The following DIP2C variants were observed in gnomAD, a reference collection of about 807,000 sequenced individuals.
DIP2C encodes disco-interacting protein 2 homolog C.
A neutral mutation model predicts 192.4 loss-of-function variants in DIP2C; 33 were observed. That is an observed-to-expected ratio of 0.17 (90% CI 0.13 to 0.23). The LOEUF is 0.23. Ranked by LOEUF, DIP2C falls within the 10% of genes least tolerant of loss-of-function variation. DIP2C has a pLI of 1.00. For missense variants in DIP2C, 1,537 were observed against 2,110.1 expected, an observed-to-expected ratio of 0.73 and a Z score of 5.32; for synonymous variants, 979 against 864.1, an observed-to-expected ratio of 1.13 and a Z score of -2.33.
intron 1 of DIP2C, among the ~76,000 whole-genome samples, chr10:676,973 AGAT>A (rs1263162379): frequency 1.3e-5 from 2 of 152,240 alleles, no homozygotes; most frequent in Admixed American, 1.3e-4. Flanking sequence ...CAAATGTTTG[AGAT>A]GATGGACATG....
At chr10:315,821 C>T (rs1056379299) in intron 31 of DIP2C, among the ~76,000 whole-genome samples, 8 of 152,106 alleles carry the variant, frequency 5.3e-5, no homozygotes, top group South Asian at 2.1e-4. Context: ...GTTAGACCCA[C>T]GGGCCTCAGA....
At position 356,613 on chromosome 10, in the gene DIP2C, G is replaced by C. The variant is rs116647278; in HGVS notation, c.2905-107C>G. 1,110 of 905,836 alleles carry C rather than the reference G, an allele frequency of 1.2e-3. 8 individuals are homozygous for C. In the African/African-American group the frequency reaches 0.015, roughly 12 times the overall value. The allele number at this position is 905,836 out of a possible 1,614,324, so 56.1% of individuals were successfully genotyped here. On this transcript the variant is annotated intron_variant, in intron 23 of 36. Transcript: ENST00000280886. Reference sequence around the variant, plus strand: ...CAAACCCATAGAGGCTGAGTGCTTTGGGTCTTAAAACCGCATGCTTCTCTG... The same window carrying C: ...CAAACCCATAGAGGCTGAGTGCTTTCGGTCTTAAAACCGCATGCTTCTCTG...
At chr10:467,565 TAAAAAAAA>T (rs71376835) in intron 3 of DIP2C, among the ~76,000 whole-genome samples, 2,279 of 130,416 alleles carry the variant, frequency 0.017, 74 homozygotes, top group African/African-American at 0.063. Flanking sequence ...TATTTAAGTG[TAAAAAAAA>T]AAAAAAAAGA....
At chr10:418,427 C>T (rs565649718) in intron 6 of DIP2C, among the ~76,000 whole-genome samples, 14 of 152,028 alleles carry the variant, frequency 9.2e-5, no homozygotes, top group Non-Finnish European at 1.8e-4. Flanking sequence ...CACACAAGGG[C>T]ATTGTATTTC....
At chr10:294,734 T>G (rs1955665997) in intron 32 of DIP2C, among the ~76,000 whole-genome samples, 1 of 152,186 alleles carries the variant, frequency 6.6e-6, no homozygotes, top group Non-Finnish European at 1.5e-5. Flanking sequence ...AAAAATTTAT[T>G]TTTGGGAACT....
At chr10:613,003 C>T (rs538248993) in intron 1 of DIP2C, among the ~76,000 whole-genome samples, 2 of 152,166 alleles carry the variant, frequency 1.3e-5, no homozygotes, top group Non-Finnish European at 2.9e-5. Flanking sequence ...ACGCTGACCA[C>T]GTTCTTTCCT....
At chr10:379,731 G>A (rs1043269826) in intron 17 of DIP2C, among the ~76,000 whole-genome samples, 5 of 152,228 alleles carry the variant, frequency 3.3e-5, no homozygotes, top group Admixed American at 1.3e-4. Context: ...GCAGATAATC[G>A]TTATCCTTTT....
chr10:662,395 T>C (rs1458047971), intron 1 of DIP2C, among the ~76,000 whole-genome samples: 1 of 152,218 alleles, frequency 6.6e-6, no homozygotes, highest in African/African-American at 2.4e-5. Context: ...TGCCCAGACC[T>C]CACTCACCCA....
intron 7 of DIP2C, among the ~76,000 whole-genome samples, chr10:414,890 G>GTGTGTATA (rs1452383924): frequency 5.5e-5 from 2 of 36,140 alleles, no homozygotes; most frequent in East Asian, 5.5e-4. Context: ...GTGTGTGTGT[G>GTGTGTATA]TATATATATA....
intron 31 of DIP2C, among the ~76,000 whole-genome samples, 182 bp from the exon 32 acceptor site, chr10:310,274 G>T (rs1433704691): frequency 6.6e-5 from 10 of 152,202 alleles, no homozygotes; most frequent in East Asian, 5.8e-4. Context: ...CTAAATTCCA[G>T]AAGGAATATC....
At chr10:487,498 C>CA (rs1844097884) in intron 1 of DIP2C, among the ~76,000 whole-genome samples, 1 of 148,002 alleles carries the variant, frequency 6.8e-6, no homozygotes, top group Non-Finnish European at 1.5e-5. Context: ...CCACGGAACA[C>CA]AAGGCTGACG....
At chr10:531,997 T>C (rs992079362) in intron 1 of DIP2C, among the ~76,000 whole-genome samples, 9 of 152,238 alleles carry the variant, frequency 5.9e-5, no homozygotes, top group Non-Finnish European at 1.2e-4. Context: ...GGCTCCAAAA[T>C]ACTTCGCCCA....
intron 1 of DIP2C, among the ~76,000 whole-genome samples, chr10:511,674 C>T (rs922708269): frequency 6.6e-6 from 1 of 152,186 alleles, no homozygotes; most frequent in Non-Finnish European, 1.5e-5. Context: ...ACGGGGTTCA[C>T]ACCTCTCCAG....
Position 384,643 on chromosome 10 carries a change from C to G in DIP2C, c.1663-4G>C. 6.2e-7 allele frequency: 1 copy of G among 1,613,708 alleles called. No individual in the cohort carries two copies. Among genetic ancestry groups the G allele is most frequent in the South Asian group, 1.1e-5 (1 of 91,084 alleles). On this transcript the variant is annotated splice_region_variant and splice_polypyrimidine_tract_variant and intron_variant, in intron 14 of 36. Transcript: ENST00000280886. ...CATGCATCATGTTCATGACGCTCTG[C>G]AATCAACAAAGGAACACGCAGGGTG...
rs373436966 is a variant in DIP2C at position 384,141 on chromosome 10, C to T, written c.1762G>A (p.Val588Met). The T allele has an allele frequency of 1.9e-5, 30 of 1,609,318 alleles. No homozygotes were observed. Among genetic ancestry groups the T allele is most frequent in the Non-Finnish European group, 2.5e-5 (30 of 1,179,046 alleles). The change falls in exon 16 of 37, where the codon GTG becomes ATG. Residue 588 changes from valine (V) to methionine (M), a missense_variant. This residue lies in a region of DIP2C where 677 missense variants were observed against 989.9 expected (regional missense o/e 0.68). Transcript: ENST00000280886. ...IQKVCQYKAKVACVKSRDMHW... is the reference protein window; with the variant it reads ...IQKVCQYKAKMACVKSRDMHW... ...ATATCCCTCGATTTCACACACGCCACTTTTGCTAAAAAGAAAAATAGAAAT... is the reference window on the plus strand; with the variant it reads ...ATATCCCTCGATTTCACACACGCCATTTTTGCTAAAAAGAAAAATAGAAAT...
chr10:372,490 T>C (rs1036843737), intron 17 of DIP2C, among the ~76,000 whole-genome samples: 25 of 152,382 alleles, frequency 1.6e-4, no homozygotes, highest in Middle Eastern at 3.4e-3. Flanking sequence ...TCAGTTATGC[T>C]TATACAATGA....
intron 3 of DIP2C, among the ~76,000 whole-genome samples, chr10:466,170 G>A (rs1970183194): frequency 6.6e-6 from 1 of 151,592 alleles, no homozygotes; most frequent in African/African-American, 2.4e-5. Context: ...AAAACAGCAT[G>A]GTACTGGTAC....
intron 29 of DIP2C, among the ~76,000 whole-genome samples, chr10:334,773 T>C (rs1389912188): frequency 6.6e-6 from 1 of 152,250 alleles, no homozygotes; most frequent in Non-Finnish European, 1.5e-5. Flanking sequence ...CTCAATTCTG[T>C]TTCTCATATA....
At chr10:404,961 G>T (rs983378928) in intron 9 of DIP2C, among the ~76,000 whole-genome samples, 10 of 152,202 alleles carry the variant, frequency 6.6e-5, no homozygotes, top group Non-Finnish European at 1.2e-4. Flanking sequence ...TTAAATGTTT[G>T]TAAGATTTCC....
Sources: allele counts gnomAD v4.1 joint callset (sites outside exome capture counted in the v4.1 genomes callset), GRCh38; gene constraint gnomAD v4.1.1; regional missense constraint gnomAD v4.1.1; transcripts MANE v1.5; gene names NCBI Gene and HGNC (gene_info 2026-07-23, HGNC 2026-07-21).